The following BAZ1B variants were observed in gnomAD, a reference collection of about 807,000 sequenced individuals.
BAZ1B encodes the protein tyrosine-protein kinase BAZ1B.
BAZ1B carries 22 observed loss-of-function variants against 153.8 expected under a neutral mutation model. That is an observed-to-expected ratio of 0.14 (90% CI 0.10 to 0.20). BAZ1B has a LOEUF of 0.20. Ranked by LOEUF, BAZ1B falls within the 10% of genes least tolerant of loss-of-function variation. BAZ1B has a pLI of 1.00. For synonymous variants in BAZ1B, 676 were observed against 633.4 expected (o/e 1.07, Z -1.01); for missense variants, 1,325 against 1,799.3 (o/e 0.74, Z 4.77).
Position 73,449,695 on chromosome 7 carries a change from G to C in BAZ1B, c.3581-6C>G, listed in dbSNP as rs184126078. ...GATCAATTTGTCATCCTCACCTGCA[G>C]AGAGATAAATGTGAATAGCATTGTT... is the stretch of plus-strand genomic sequence containing the variant. On this transcript the variant is annotated splice_region_variant and splice_polypyrimidine_tract_variant and intron_variant, in intron 14 of 19. Transcript: ENST00000339594. 2.5e-6 allele frequency: 4 copies of C among 1,613,596 alleles called. No homozygotes were observed. The African/African-American group carries it at 5.3e-5, about 22-fold the overall frequency.
intron 1 of BAZ1B, among the ~76,000 whole-genome samples, chr7:73,520,254 G>C (rs983725422): frequency 6.6e-6 from 1 of 150,526 alleles, no homozygotes; most frequent in Non-Finnish European, 1.5e-5. Context: ...GTATAATGCA[G>C]TATTTGGTAG....
At chr7:73,475,657 G>A (rs376104421) in intron 7 of BAZ1B, among the ~76,000 whole-genome samples, 2 of 152,044 alleles carry the variant, frequency 1.3e-5, no homozygotes, top group Admixed American at 6.6e-5. Flanking sequence ...GTGGCTGGCC[G>A]GGCACAGTGG....
intron 3 of BAZ1B, among the ~76,000 whole-genome samples, chr7:73,506,639 G>A (rs1465125726): frequency 6.6e-6 from 1 of 151,454 alleles, no homozygotes; most frequent in Non-Finnish European, 1.5e-5. Flanking sequence ...ATCACCCGAG[G>A]TCGAGAGTTC....
intron 5 of BAZ1B, among the ~76,000 whole-genome samples, chr7:73,490,053 A>G (rs1355050934): frequency 4.6e-5 from 7 of 152,238 alleles, no homozygotes; most frequent in African/African-American, 1.7e-4. Context: ...CTATGTACAT[A>G]TAATGGACAC....
chr7:73,505,631 GAA>G (rs35221024), intron 3 of BAZ1B, among the ~76,000 whole-genome samples: 4 of 145,440 alleles, frequency 2.8e-5, no homozygotes, highest in South Asian at 2.2e-4. Flanking sequence ...TCCTGAGAGG[GAA>G]AAAAAAAAAA....
chr7:73,498,750 G>C, intron 3 of BAZ1B, 52 bp from the exon 4 acceptor site: 2 of 1,518,668 alleles, frequency 1.3e-6, no homozygotes, highest in South Asian at 1.1e-5. Context: ...CCAGAAACCT[G>C]AAGATGTTTA....
chr7:73,484,690 A>C (rs1554574238), intron 6 of BAZ1B, among the ~76,000 whole-genome samples: 11 of 152,198 alleles, frequency 7.2e-5, no homozygotes, highest in Non-Finnish European at 1.3e-4. Flanking sequence ...TAATGGACAA[A>C]ATTATGTCAC....
chr7:73,518,669 C>T (rs1197244392), intron 1 of BAZ1B, among the ~76,000 whole-genome samples: 1 of 151,316 alleles, frequency 6.6e-6, no homozygotes, highest in Non-Finnish European at 1.5e-5. Flanking sequence ...CGTCTGTGAA[C>T]AGCTGCTGCA....
chr7:73,451,066 G>A, intron 13 of BAZ1B, 72 bp from the exon 14 acceptor site: 31 of 1,551,546 alleles, frequency 2.0e-5, no homozygotes, highest in Non-Finnish European at 2.7e-5. Flanking sequence ...AGGAACAGGG[G>A]ACAGTATGAG....
chr7:73,518,032 T>G (rs1333585258), intron 1 of BAZ1B, among the ~76,000 whole-genome samples: 7 of 152,196 alleles, frequency 4.6e-5, no homozygotes, highest in African/African-American at 1.7e-4. Flanking sequence ...TTACTCGATT[T>G]TTTCTCTTAA....
At position 73,505,058 on chromosome 7, in the gene BAZ1B, C is replaced by T; in HGVS notation, c.369+3269G>A. Among the ~76,000 whole-genome samples the T allele has an allele frequency of 1.3e-5, 2 of 152,156 alleles. 1 individual carries two copies. Among genetic ancestry groups the T allele is most frequent in the East Asian group, 3.8e-4 (2 of 5,200 alleles). ...CCAAGCTATTCCCTCCCTCTTCTCT[C>T]TTGCCAGCCTGTCTCTTTTGAGACT... On this transcript the variant is annotated intron_variant, in intron 3 of 19. Coordinates refer to ENST00000339594, the MANE Select transcript of BAZ1B (RefSeq NM_032408.4).
chr7:73,503,223 T>C (rs1790206562), intron 3 of BAZ1B, among the ~76,000 whole-genome samples: 3 of 152,228 alleles, frequency 2.0e-5, no homozygotes, highest in Admixed American at 1.3e-4. Flanking sequence ...TCCACATTCC[T>C]GTCAAAACTT....
chr7:73,443,784 G>GC (rs1787719491), intron 17 of BAZ1B, among the ~76,000 whole-genome samples, 200 bp downstream of exon 17: 1 of 152,172 alleles, frequency 6.6e-6, no homozygotes, highest in Non-Finnish European at 1.5e-5. Flanking sequence ...GCAGGGGAAT[G>GC]CCGGACATAG....
At chr7:73,449,061 A>T (rs1787937856) in intron 15 of BAZ1B, among the ~76,000 whole-genome samples, 1 of 152,202 alleles carries the variant, frequency 6.6e-6, no homozygotes, top group Non-Finnish European at 1.5e-5. Context: ...ATCATCAAAC[A>T]TCTGGGCATT....
intron 3 of BAZ1B, among the ~76,000 whole-genome samples, chr7:73,503,002 T>C (rs1790197284): frequency 6.6e-6 from 1 of 152,238 alleles, no homozygotes; most frequent in Non-Finnish European, 1.5e-5. Flanking sequence ...AATTTGTTTA[T>C]CCATTCAACT....
intron 1 of BAZ1B, among the ~76,000 whole-genome samples, chr7:73,519,249 A>T (rs1236819484): frequency 6.6e-6 from 1 of 152,224 alleles, no homozygotes; most frequent in Non-Finnish European, 1.5e-5. Context: ...ATTAAAAGAA[A>T]ATTAAAATAT....
chr7:73,511,432 G>A (rs888957474), intron 1 of BAZ1B, among the ~76,000 whole-genome samples: 2 of 151,814 alleles, frequency 1.3e-5, no homozygotes, highest in Non-Finnish European at 2.9e-5. Context: ...GAGAGGCCAC[G>A]GCAGGACAAT....
intron 3 of BAZ1B, among the ~76,000 whole-genome samples, chr7:73,504,851 A>G (rs2116435485): frequency 6.6e-6 from 1 of 152,262 alleles, no homozygotes; most frequent in African/African-American, 2.4e-5. Context: ...CAAAGAAACA[A>G]AAACCCCACT....
chr7:73,499,337 A>C (rs555310036), intron 3 of BAZ1B, among the ~76,000 whole-genome samples: 1 of 152,180 alleles, frequency 6.6e-6, no homozygotes, highest in East Asian at 1.9e-4. Context: ...CTACATTTTA[A>C]AAAAAAGAAA....
Sources: allele counts gnomAD v4.1 joint callset (sites outside exome capture counted in the v4.1 genomes callset), GRCh38; gene constraint gnomAD v4.1.1; transcripts MANE v1.5; gene names NCBI Gene and HGNC (gene_info 2026-07-23, HGNC 2026-07-21).